ADGRL2: variants seen among roughly 807,000 people sequenced by gnomAD.
The protein encoded by ADGRL2 is calcium-independent alpha-latrotoxin receptor 2.
In ADGRL2, 44 loss-of-function variants were observed where a neutral mutation model predicts 157.4. That is an observed-to-expected ratio of 0.28 (90% CI 0.22 to 0.36). The LOEUF is 0.36. Among genes scored for constraint, ADGRL2 ranks in the 10% least tolerant of loss-of-function variants. The pLI is 1.00. For missense variants in ADGRL2, 1,510 were observed against 1,768.9 expected, an observed-to-expected ratio of 0.85 and a Z score of 2.63; for synonymous variants, 585 against 624.7, an observed-to-expected ratio of 0.94 and a Z score of 0.95.
intron 3 of ADGRL2, among the ~76,000 whole-genome samples, chr1:81,627,815 G>A (rs996638534): frequency 2.0e-5 from 3 of 152,136 alleles, no homozygotes; most frequent in Admixed American, 2.0e-4. Context: ...AATGCCACAA[G>A]CTCCCAAATT....
At chr1:81,726,183 C>T (rs1192123009) in intron 1 of ADGRL2, among the ~76,000 whole-genome samples, 1 of 152,134 alleles carries the variant, frequency 6.6e-6, no homozygotes, top group Non-Finnish European at 1.5e-5. Flanking sequence ...CATCTCCTTG[C>T]CCCTCTTTTA....
chr1:81,501,677 G>T (rs1028894319), intron 2 of ADGRL2: 2 of 1,532,020 alleles, frequency 1.3e-6, no homozygotes, highest in Non-Finnish European at 1.8e-6. Context: ...CCGAAAACCC[G>T]GAGTGCCCCG....
At chr1:81,521,676 G>T (rs2079318174) in intron 2 of ADGRL2, among the ~76,000 whole-genome samples, 1 of 152,118 alleles carries the variant, frequency 6.6e-6, no homozygotes, top group African/African-American at 2.4e-5. Context: ...ATAATTTTTG[G>T]TTTTTCACTT....
At chr1:81,592,868 C>T (rs1420986835) in intron 3 of ADGRL2, among the ~76,000 whole-genome samples, 2 of 151,970 alleles carry the variant, frequency 1.3e-5, no homozygotes, top group Non-Finnish European at 2.9e-5. Flanking sequence ...TGGCTGTTGG[C>T]TGCCTGGGCG....
intron 2 of ADGRL2, among the ~76,000 whole-genome samples, chr1:81,846,215 A>G (rs1557762563): frequency 6.6e-6 from 1 of 151,806 alleles, no homozygotes; most frequent in African/African-American, 2.4e-5. Flanking sequence ...AAAAAAGAAA[A>G]AGAATAGAAG....
chr1:81,754,984 A>C (rs1033303194), intron 1 of ADGRL2, among the ~76,000 whole-genome samples: 2 of 151,866 alleles, frequency 1.3e-5, no homozygotes, highest in African/African-American at 4.8e-5. Flanking sequence ...AGGTGAAAAT[A>C]TCAAGCAAAA....
chr1:81,825,391 C>T (rs1010337261), intron 1 of ADGRL2, among the ~76,000 whole-genome samples: 4 of 151,866 alleles, frequency 2.6e-5, no homozygotes, highest in African/African-American at 4.8e-5. Context: ...GCTCTGTTGC[C>T]AGGCTGGAGT....
chr1:81,780,186 T>C (rs2086756162), intron 2 of ADGRL2, among the ~76,000 whole-genome samples: 1 of 152,218 alleles, frequency 6.6e-6, no homozygotes, highest in Non-Finnish European at 1.5e-5. Context: ...AAGGACTATA[T>C]ACCTGCCTTC....
chr1:81,755,606 C>A (rs1250243512), intron 1 of ADGRL2, among the ~76,000 whole-genome samples: 1 of 152,014 alleles, frequency 6.6e-6, no homozygotes, highest in Admixed American at 6.6e-5. Flanking sequence ...TTGAATTGAC[C>A]ATGTCCACAC....
At chr1:81,431,897 C>G (rs2077328834) in intron 1 of ADGRL2, among the ~76,000 whole-genome samples, 1 of 152,158 alleles carries the variant, frequency 6.6e-6, no homozygotes, top group African/African-American at 2.4e-5. Flanking sequence ...TAATTCATCA[C>G]CACACAATTG....
intron 3 of ADGRL2, among the ~76,000 whole-genome samples, chr1:81,658,043 T>A (rs2082572532): frequency 6.6e-6 from 1 of 152,208 alleles, no homozygotes. Flanking sequence ...CTATATATTA[T>A]GTAGTCCATT....
At chr1:81,347,815 G>A (rs1662588734) in intron 1 of ADGRL2, among the ~76,000 whole-genome samples, 1 of 152,148 alleles carries the variant, frequency 6.6e-6, no homozygotes, top group Non-Finnish European at 1.5e-5. Flanking sequence ...GAATACAGAT[G>A]GGATAGACCA....
chr1:81,830,705 C>T (rs1359571573), intron 1 of ADGRL2, among the ~76,000 whole-genome samples: 1 of 152,108 alleles, frequency 6.6e-6, no homozygotes, highest in African/African-American at 2.4e-5. Flanking sequence ...CGGGGTTTCG[C>T]CACATTGGCC....
chr1:81,821,338 G>C (rs1057345439), intron 1 of ADGRL2, among the ~76,000 whole-genome samples: 1 of 152,122 alleles, frequency 6.6e-6, no homozygotes, highest in African/African-American at 2.4e-5. Context: ...AGCAAAGGCG[G>C]CCCAAATTTT....
At chr1:81,316,832 G>A (rs144944668) in intron 1 of ADGRL2, among the ~76,000 whole-genome samples, 352 of 152,252 alleles carry the variant, frequency 2.3e-3, no homozygotes, top group African/African-American at 7.9e-3. Flanking sequence ...TCTCTGAATT[G>A]TAAACATCCA....
intron 2 of ADGRL2, among the ~76,000 whole-genome samples, chr1:81,455,491 C>T (rs1245334829): frequency 6.6e-6 from 1 of 152,120 alleles, no homozygotes; most frequent in Non-Finnish European, 1.5e-5. Context: ...GCACAGAAAT[C>T]CCGGTACTGA....
chr1:81,887,625 C>G (rs2094157268), intron 2 of ADGRL2, among the ~76,000 whole-genome samples: 1 of 152,152 alleles, frequency 6.6e-6, no homozygotes, highest in Non-Finnish European at 1.5e-5. Flanking sequence ...TCTCCCAGTT[C>G]CAACATTCCC....
chr1:81,990,837 G>A lies in ADGRL2; in HGVS notation c.4102G>A (p.Glu1368Lys). 6.2e-7 allele frequency: 1 copy of A among 1,614,130 alleles called. No individual in the cohort carries two copies. Among genetic ancestry groups the A allele is most frequent in the Non-Finnish European group, 8.5e-7 (1 of 1,180,020 alleles). ...TDSYVSQLTA[E>K]AEDHLQSPNR... ...CAGCTATGTCTCCCAACTGACAGCA[G>A]AGGCTGAAGATCACCTACAGTCCCC... The change falls in exon 24 of 24, where the codon GAG (glutamate) becomes AAG (lysine). Residue 1368 changes from glutamate (E) to lysine (K), a missense_variant. By Grantham distance (56) the Glu-to-Lys change is moderately conservative. Coordinates refer to ENST00000686636, the MANE Select transcript of ADGRL2 (RefSeq NM_001366006.2).
chr1:81,308,789 A>G (rs1233139000), intron 1 of ADGRL2, among the ~76,000 whole-genome samples: 2 of 152,154 alleles, frequency 1.3e-5, no homozygotes, highest in African/African-American at 2.4e-5. Context: ...TTTTACAACT[A>G]TGCATCCAAA....
Sources: gnomAD v4.1 joint callset for allele counts (sites outside exome capture counted in the v4.1 genomes callset) on GRCh38, gnomAD v4.1.1 for gene constraint, MANE v1.5 for transcripts, NCBI Gene and HGNC (gene_info 2026-07-23, HGNC 2026-07-21) for gene names.